CALM2: variants seen among roughly 807,000 people sequenced by gnomAD.
CALM2 encodes the protein calmodulin-2.
Under a neutral mutation model 19.8 loss-of-function variants are expected in CALM2, and 2 were observed. That is an observed-to-expected ratio of 0.10 (90% CI 0.04 to 0.32). CALM2 has a LOEUF of 0.32. Among genes scored for constraint, CALM2 ranks in the 10% least tolerant of loss-of-function variants. The probability of loss-of-function intolerance (pLI) is 1.00; values close to 1 mark genes in which losing one functional copy is unlikely to be tolerated. For synonymous variants in CALM2, 51 were observed against 52.1 expected, an observed-to-expected ratio of 0.98 and a Z score of 0.09; for missense variants, 38 against 178.7, an observed-to-expected ratio of 0.21 and a Z score of 4.49.
intron 1 of CALM2, chr2:47,172,546 A>G: frequency 9.4e-7 from 1 of 1,068,448 alleles, no homozygotes; most frequent in South Asian, 1.5e-5. Context: ...CTCAATTTCC[A>G]CACCGAATGT....
rs552074188 is a variant in CALM2 at position 47,162,035 on chromosome 2, T to C, written c.286-177A>G. On this transcript the variant is annotated intron_variant, in intron 4 of 5. Coordinates refer to ENST00000272298, the MANE Select transcript of CALM2 (RefSeq NM_001743.6). ...TAAGAGCCAAGCAAAATGTCCTACA[T>C]TGAAATCATTATTTCCTAGTCCCAA... 6.6e-5 allele frequency among the ~76,000 whole-genome samples: 10 copies of C among 152,284 alleles called. No homozygotes were observed. The South Asian group carries it at 2.1e-3, about 32-fold the overall frequency.
intron 1 of CALM2, chr2:47,176,090 G>A (rs970403116): frequency 1.6e-5 from 5 of 313,502 alleles, no homozygotes; most frequent in African/African-American, 8.6e-5. Flanking sequence ...CCCGACAGAA[G>A]GCTCTCTACG....
chr2:47,163,410 T>C (rs530511206), intron 2 of CALM2: 10 of 152,196 alleles, frequency 6.6e-5, no homozygotes, highest in African/African-American at 2.2e-4. Context: ...CAACATCTTG[T>C]TGTGATAGTA....
At chr2:47,170,079 C>T (rs1006532728) in intron 2 of CALM2, among the ~76,000 whole-genome samples, 1 of 151,966 alleles carries the variant, frequency 6.6e-6, no homozygotes, top group African/African-American at 2.4e-5. Flanking sequence ...TATGGCATGG[C>T]ATAAAGAGAA....
chr2:47,176,576 C>T, upstream of CALM2: 10 of 1,549,142 alleles, frequency 6.5e-6, no homozygotes, highest in Non-Finnish European at 8.7e-6. Context: ...TCCGCCGCAT[C>T]CAGATAACGG....
intron 2 of CALM2, among the ~76,000 whole-genome samples, chr2:47,164,191 T>C (rs1376153971): frequency 2.7e-5 from 4 of 149,214 alleles, no homozygotes; most frequent in Admixed American, 1.3e-4. Context: ...TGAGCTGATA[T>C]TGCGCCACTG....
At chr2:47,163,843 T>G (rs1666349199) in intron 2 of CALM2, 1 of 152,424 alleles carries the variant, frequency 6.6e-6, no homozygotes, top group African/African-American at 2.4e-5. Flanking sequence ...ACAAGCCAGG[T>G]GCAGTGGCTC....
At chr2:47,172,436 T>G in intron 1 of CALM2, 118 of 877,882 alleles carry the variant, frequency 1.3e-4, no homozygotes, top group Non-Finnish European at 1.7e-4. Flanking sequence ...TTGTGCAAAG[T>G]GAGATGCTAT....
At chr2:47,164,442 C>G (rs1305765775) in intron 2 of CALM2, among the ~76,000 whole-genome samples, 3 of 149,896 alleles carry the variant, frequency 2.0e-5, no homozygotes, top group East Asian at 4.0e-4. Flanking sequence ...AACACAAACA[C>G]ACACACAAGC....
chr2:47,175,842 C>T (rs1666843510), intron 1 of CALM2, among the ~76,000 whole-genome samples: 1 of 147,874 alleles, frequency 6.8e-6, no homozygotes, highest in Non-Finnish European at 1.5e-5. Flanking sequence ...CGGCCGCTCC[C>T]TGCGCCGCGC....
At chr2:47,170,966 C>T in intron 1 of CALM2, 1 of 539,252 alleles carries the variant, frequency 1.9e-6, no homozygotes, top group Non-Finnish European at 3.4e-6. Flanking sequence ...TTAAGATATA[C>T]AAATACTTCA....
chr2:47,162,272 A>G lies in CALM2; in HGVS notation c.285+14T>C. On this transcript the variant is annotated intron_variant, in intron 4 of 5. Coordinates refer to ENST00000272298, the MANE Select transcript of CALM2 (RefSeq NM_001743.6). ...TTCATCCTCAAAATTTAACATATCC[A>G]GTCCTTGACGTACCTTATCAAACAC... The G allele has an allele frequency of 6.8e-7, 1 of 1,463,768 alleles. No individual in the cohort carries two copies. The highest frequency in any genetic ancestry group is 9.4e-7 in the Non-Finnish European group (1 of 1,064,694). The allele number at this position is 1,463,768 out of a possible 1,614,324, so 90.7% of individuals were successfully genotyped here.
chr2:47,175,994 G>C (rs915139925), intron 1 of CALM2, among the ~76,000 whole-genome samples: 4 of 152,044 alleles, frequency 2.6e-5, no homozygotes, highest in African/African-American at 9.7e-5. Context: ...CATGGCGGCC[G>C]CAAGCGGACA....
chr2:47,176,133 T>G (rs1259064327), intron 1 of CALM2: 2 of 398,684 alleles, frequency 5.0e-6, no homozygotes, highest in African/African-American at 4.1e-5. Flanking sequence ...TTTCTCTCCT[T>G]CCCGTGCACT....
chr2:47,175,081 G>GTTTTTTTTTTTTTTTTTTT (rs563702873), intron 1 of CALM2, among the ~76,000 whole-genome samples: 3 of 77,964 alleles, frequency 3.8e-5, no homozygotes, highest in African/African-American at 2.8e-4. Flanking sequence ...CTCATTAGGT[G>GTTTTTTTTTTTTTTTTTTT]TTTTTTTTTT....
chr2:47,161,573 A>T lies in CALM2; in HGVS notation c.421+150T>A, dbSNP rs72877072. 7.6e-5 allele frequency: 48 copies of T among 635,136 alleles called. No individual in the cohort carries two copies. The African/African-American group carries it at 8.8e-4, about 12-fold the overall frequency. 39.3% of individuals were successfully genotyped at this position (635,136 alleles called of 1,614,324 possible). A position where few individuals can be genotyped will look rare whatever the true frequency, so the allele number is the denominator to read the frequency against. On this transcript the variant is annotated intron_variant, in intron 5 of 5. Transcript: ENST00000272298. Reference sequence around the variant, plus strand: ...CAATGTTACCTAGTCTGCAGACAACACTCTGAATTTTAAGAAGGTTAAATG... The same window carrying T: ...CAATGTTACCTAGTCTGCAGACAACTCTCTGAATTTTAAGAAGGTTAAATG...
At chr2:47,174,981 G>GT (rs1164769590) in intron 1 of CALM2, among the ~76,000 whole-genome samples, 1 of 151,018 alleles carries the variant, frequency 6.6e-6, no homozygotes, top group Non-Finnish European at 1.5e-5. Context: ...CCTAACTCCT[G>GT]TTTAAGATGT....
chr2:47,163,583 C>G (rs1436653195), intron 2 of CALM2: 4 of 152,128 alleles, frequency 2.6e-5, no homozygotes, highest in African/African-American at 9.7e-5. Flanking sequence ...CAGGCATGCA[C>G]CACCACGCCC....
chr2:47,170,016 G>C (rs1666613955), intron 2 of CALM2, among the ~76,000 whole-genome samples: 1 of 149,892 alleles, frequency 6.7e-6, no homozygotes. Context: ...CCCCAACATT[G>C]ACATTAACCA....
Sources: allele counts gnomAD v4.1 joint callset (sites outside exome capture counted in the v4.1 genomes callset), GRCh38; gene constraint gnomAD v4.1.1; transcripts MANE v1.5; gene names NCBI Gene and HGNC (gene_info 2026-07-23, HGNC 2026-07-21).